SNRNP200: variants seen among roughly 807,000 people sequenced by gnomAD.
SNRNP200 encodes U5 small nuclear ribonucleoprotein 200 kDa helicase.
In SNRNP200, 66 loss-of-function variants were observed where a neutral mutation model predicts 255.2. That is an observed-to-expected ratio of 0.26 (90% CI 0.21 to 0.32). The LOEUF is 0.32. Ranked by LOEUF, SNRNP200 falls within the 10% of genes least tolerant of loss-of-function variation. The pLI is 1.00. For missense variants in SNRNP200, 1,585 were observed against 2,749.8 expected (o/e 0.58, Z 9.47); for synonymous variants, 939 against 1,027.8 (o/e 0.91, Z 1.65).
Position 96,305,423 on chromosome 2 carries a change from G to T in SNRNP200, c.15C>A (p.Thr5=). 1.2e-6 allele frequency: 2 copies of T among 1,614,206 alleles called. No individual in the cohort carries two copies. The highest frequency in any genetic ancestry group is 1.3e-5 in the African/African-American group (1 of 75,058). Residue 5 remains threonine, a synonymous_variant, in exon 1 of 45, where the codon ACC becomes ACA. Coordinates refer to ENST00000323853, the MANE Select transcript of SNRNP200 (RefSeq NM_014014.5). ...TGTACTCGTATTGCAGACTACGGGC[G>T]GTTACATCCGCCATGGCCGCGGCTG... The part of the protein sequence containing the change: MADV[T]ARSLQYEYKA...
chr2:96,296,862 T>G (rs2063920163), intron 12 of SNRNP200, 71 bp downstream of exon 12: 1 of 1,606,772 alleles, frequency 6.2e-7, no homozygotes. Context: ...GGGGTGGAAA[T>G]AAAAAACAAT....
intron 35 of SNRNP200, 112 bp from the exon 36 acceptor site, chr2:96,279,671 G>A (rs766832712): frequency 4.2e-6 from 3 of 708,332 alleles, no homozygotes; most frequent in South Asian, 1.5e-5. Flanking sequence ...GGGGAGACAC[G>A]GACAAATCAC....
At position 96,274,832 on chromosome 2, in the gene SNRNP200, G is replaced by A. The variant is rs1684626852; in HGVS notation, c.*180C>T. On this transcript the variant is annotated 3_prime_UTR_variant, in exon 45 of 45. Coordinates refer to ENST00000323853, the MANE Select transcript of SNRNP200 (RefSeq NM_014014.5). ...GATTTATGCTTGACCCATGACACCT[G>A]CTGTCACTGGATCCAGAGTGAGCAA... is the stretch of plus-strand genomic sequence containing the variant. The A allele has an allele frequency of 1.9e-5, 13 of 700,396 alleles. No individual in the cohort carries two copies. The highest frequency in any genetic ancestry group is 3.3e-5 in the Non-Finnish European group (13 of 390,466). 43.4% of individuals were successfully genotyped at this position (700,396 alleles called of 1,614,324 possible).
chr2:96,289,471 G>A (rs1011936649), intron 21 of SNRNP200, 92 bp from the exon 22 acceptor site: 18 of 1,441,014 alleles, frequency 1.2e-5, no homozygotes, highest in East Asian at 4.6e-5. Context: ...TAGGTTTTTT[G>A]TACTTTTTTT....
In SNRNP200 at chr2:96,283,356, T is replaced by C; in HGVS notation, c.4764-4A>G. On this transcript the variant is annotated splice_polypyrimidine_tract_variant and splice_region_variant and intron_variant, in intron 33 of 44. Transcript: ENST00000323853. The surrounding 1 kb of genome is among the most constrained non-coding windows in gnomAD (Gnocchi z 4.7). ...CTTCTCGGTGCAGTGCAAGAACCTGTGCGGTACAGGCACTGGCTCAGCTCA... is the reference window on the plus strand; with the variant it reads ...CTTCTCGGTGCAGTGCAAGAACCTGCGCGGTACAGGCACTGGCTCAGCTCA... 1 of 1,614,088 alleles carries C rather than the reference T, an allele frequency of 6.2e-7. No homozygotes were observed. Among genetic ancestry groups the C allele is most frequent in the East Asian group, 2.2e-5 (1 of 44,884 alleles).
chr2:96,297,582 G>C (rs774442821), intron 10 of SNRNP200, 46 bp from the exon 11 acceptor site: 48 of 1,614,012 alleles, frequency 3.0e-5, no homozygotes, highest in Non-Finnish European at 3.8e-5. Flanking sequence ...AGCAAGCCGA[G>C]CAAGTGAGTT....
rs2063936019 is a variant in SNRNP200, at chr2:96,298,905, A to G, written c.792T>C (p.Asp264=). 6.2e-7 allele frequency: 1 copy of G among 1,614,198 alleles called. No homozygotes were observed. Among genetic ancestry groups the G allele is most frequent in the East Asian group, 2.2e-5 (1 of 44,890 alleles). ...TGAGCTGCCGCTGCAGCCAAAATGC[A>G]TCAATATCCCGAGGGTGCAAATCCT... ...KKKDLHPRDI[D]AFWLQRQLSR... The change falls in exon 7 of 45, where the codon GAT becomes GAC. Residue 264 remains aspartate, a synonymous_variant. Coordinates refer to ENST00000323853, the MANE Select transcript of SNRNP200 (RefSeq NM_014014.5).
At position 96,287,974 on chromosome 2, in the gene SNRNP200, G is replaced by A; in HGVS notation, c.3259-5C>T. 6.2e-7 allele frequency: 1 copy of A among 1,613,894 alleles called. No homozygotes were observed. ...TCGCATCAACCGGCCAGCCGACTAA[G>A]CAAAGAAGCAGCATTCCCACTGTTA... On this transcript the variant is annotated splice_region_variant and splice_polypyrimidine_tract_variant and intron_variant, in intron 24 of 44. Transcript: ENST00000323853. The surrounding 1 kb of genome is among the most constrained non-coding windows in gnomAD (Gnocchi z 5.7).
At position 96,291,856 on chromosome 2, in the gene SNRNP200, G is replaced by C. The variant is rs1425473603; in HGVS notation, c.2205C>G (p.Ala735=). The C allele has an allele frequency of 6.2e-7, 1 of 1,614,160 alleles. No individual in the cohort carries two copies. Among genetic ancestry groups the C allele is most frequent in the Admixed American group, 1.7e-5 (1 of 60,020 alleles). The change falls in exon 17 of 45, where the codon GCC becomes GCG. Residue 735 remains alanine, a synonymous_variant. Transcript: ENST00000323853. This position sits in a 1 kb window ranked among gnomAD's most constrained non-coding sequence, Gnocchi z 4.2. ...VHSRKETGKT[A]RAIRDMCLEK... ...CTAGGCACATGTCCCGGATGGCCCT[G>C]GCTGTCTTTCCAGTCTCCTTCCGGG... is the stretch of plus-strand genomic sequence containing the variant.
chr2:96,282,090 G>A, intron 34 of SNRNP200, 168 bp from the exon 35 acceptor site: 1 of 616,838 alleles, frequency 1.6e-6, no homozygotes, highest in Non-Finnish European at 2.9e-6. Flanking sequence ...ATTGCTATGA[G>A]GTAGCTCCAC....
chr2:96,297,405 C>G lies in SNRNP200; in HGVS notation c.1335G>C (p.Val445=). Reference sequence around the variant, plus strand: ...GCTTGGGCTTCAGAGCAGGCACATGCACCTCTTCATAGCCCTTACGCTGGC... The same window carrying G: ...GCTTGGGCTTCAGAGCAGGCACATGGACCTCTTCATAGCCCTTACGCTGGC... The part of the protein sequence containing the change: ...FRRQRKGYEE[V]HVPALKPKPF... The change falls in exon 11 of 45, where the codon GTG becomes GTC. Residue 445 remains valine (V), a synonymous_variant. Coordinates refer to ENST00000323853, the MANE Select transcript of SNRNP200 (RefSeq NM_014014.5). 6.2e-7 allele frequency: 1 copy of G among 1,614,160 alleles called. No individual in the cohort carries two copies. The highest frequency in any genetic ancestry group is 1.1e-5 in the South Asian group (1 of 91,080).
At position 96,290,201 on chromosome 2, in the gene SNRNP200, G is replaced by T; in HGVS notation, c.2742+125C>A. ...AAGGGGAACTATCTGCCAGACCCAA[G>T]ATGTGGGTGCAGGGATGGAAGGCCT... On this transcript the variant is annotated intron_variant, in intron 20 of 44. Coordinates refer to ENST00000323853, the MANE Select transcript of SNRNP200 (RefSeq NM_014014.5). The surrounding 1 kb of genome is among the most constrained non-coding windows in gnomAD (Gnocchi z 4.5). 8.8e-7 allele frequency: 1 copy of T among 1,138,234 alleles called. No homozygotes were observed. Among genetic ancestry groups the T allele is most frequent in the Non-Finnish European group, 1.3e-6 (1 of 748,370 alleles). 70.5% of individuals were successfully genotyped at this position (1,138,234 alleles called of 1,614,324 possible). A position where few individuals can be genotyped will look rare whatever the true frequency, so the allele number is the denominator to read the frequency against.
rs775794342 is a variant in SNRNP200, at chr2:96,287,579, C to T, written c.3366-22G>A. The T allele has an allele frequency of 1.3e-6, 2 of 1,563,824 alleles. No homozygotes were observed. Among genetic ancestry groups the T allele is most frequent in the South Asian group, 2.2e-5 (2 of 90,122 alleles). On this transcript the variant is annotated intron_variant, in intron 25 of 44. Coordinates refer to ENST00000323853, the MANE Select transcript of SNRNP200 (RefSeq NM_014014.5). The surrounding 1 kb of genome is among the most constrained non-coding windows in gnomAD (Gnocchi z 5.7). Reference sequence around the variant, plus strand: ...CCACCTATCCAGGAAGGAGGCAAAGCTGTTGGTCCCTTCTGCAGGGATGTG... The same window carrying T: ...CCACCTATCCAGGAAGGAGGCAAAGTTGTTGGTCCCTTCTGCAGGGATGTG...
Position 96,274,896 on chromosome 2 carries a change from C to T in SNRNP200, c.*116G>A. 1 of 1,224,972 alleles carries T rather than the reference C, an allele frequency of 8.2e-7. No homozygotes were observed. The highest frequency in any genetic ancestry group is 1.2e-5 in the South Asian group (1 of 82,700). The allele number at this position is 1,224,972 out of a possible 1,614,324, so 75.9% of individuals were successfully genotyped here. On this transcript the variant is annotated 3_prime_UTR_variant, in exon 45 of 45. Transcript: ENST00000323853. The stretch of plus-strand genomic sequence containing the variant: ...GAGGTAGGCGGGGACAGCACCAGCC[C>T]TGGCTGGCCAGACCTGAGGCCCACA...
At position 96,284,474 on chromosome 2, in the gene SNRNP200, T is replaced by C. The variant is rs1031464235; in HGVS notation, c.4276A>G (p.Ile1426Val). Residue 1426 changes from isoleucine to valine, a missense_variant, in exon 31 of 45, where the codon ATC (isoleucine) becomes GTC (valine). Physicochemically the swap from Ile to Val is conservative, Grantham distance 29 (BLOSUM62 3). This residue lies in a region of SNRNP200 where 719 missense variants were observed against 1,091.1 expected (regional missense o/e 0.66). Transcript: ENST00000323853. ...LKLLGKGNIIISTPEKWDILS... is the reference protein window; with the variant it reads ...LKLLGKGNIIVSTPEKWDILS... Reference sequence around the variant, plus strand: ...ATGTCCCACTTCTCAGGGGTGCTGATGATAATGTTCCCTTTGCCCAGCAGC... The same window carrying C: ...ATGTCCCACTTCTCAGGGGTGCTGACGATAATGTTCCCTTTGCCCAGCAGC... 1 of 1,614,150 alleles carries C rather than the reference T, an allele frequency of 6.2e-7. No homozygotes were observed.
intron 13 of SNRNP200, among the ~76,000 whole-genome samples, chr2:96,296,226 C>T (rs1428355432): frequency 6.6e-6 from 1 of 152,158 alleles, no homozygotes; most frequent in Non-Finnish European, 1.5e-5. Flanking sequence ...CTATTATCAT[C>T]CACATCCATT....
rs1359829683 is a variant in SNRNP200 at position 96,290,991 on chromosome 2, T to C, written c.2422-176A>G. 6.6e-6 allele frequency among the ~76,000 whole-genome samples: 1 copy of C among 152,222 alleles called. No homozygotes were observed. Among genetic ancestry groups the C allele is most frequent in the Non-Finnish European group, 1.5e-5 (1 of 68,034 alleles). On this transcript the variant is annotated intron_variant, in intron 18 of 44. Transcript: ENST00000323853. The surrounding 1 kb of genome is among the most constrained non-coding windows in gnomAD (Gnocchi z 4.5). ...ATAAAGAGGAAAGGTTTCCTTGGGT[T>C]CCTCATCTATTCAGTAATGAACATT...
rs768482213 is a variant in SNRNP200, at chr2:96,278,581, G to T, written c.5454C>A (p.Ile1818=). The change falls in exon 38 of 45, where the codon ATC becomes ATA. Residue 1818 remains isoleucine (I), a synonymous_variant. Transcript: ENST00000323853. The surrounding 1 kb of genome is among the most constrained non-coding windows in gnomAD (Gnocchi z 6.9). The part of the protein sequence containing the change: ...MDVAPLNLGM[I]AAYYYINYTT... Reference sequence around the variant, plus strand: ...TGTAGTTGATGTAATAGTAGGCGGCGATCATGCCTAGGTTCAGAGGCGCCA... The same window carrying T: ...TGTAGTTGATGTAATAGTAGGCGGCTATCATGCCTAGGTTCAGAGGCGCCA... The T allele has an allele frequency of 6.2e-7, 1 of 1,614,150 alleles. No homozygotes were observed. Among genetic ancestry groups the T allele is most frequent in the South Asian group, 1.1e-5 (1 of 91,078 alleles).
At chr2:96,296,026 G>A (rs1440814765) in intron 13 of SNRNP200, among the ~76,000 whole-genome samples, 1 of 152,064 alleles carries the variant, frequency 6.6e-6, no homozygotes, top group Non-Finnish European at 1.5e-5. Flanking sequence ...ACAGCTACCA[G>A]GGAGGCTGAA....
Sources: gnomAD v4.1 joint callset for allele counts (sites outside exome capture counted in the v4.1 genomes callset) on GRCh38, gnomAD v4.1.1 for gene constraint, gnomAD v4.1.1 regional missense constraint, Gnocchi (gnomAD v3.1) non-coding constraint, MANE v1.5 for transcripts, NCBI Gene and HGNC (gene_info 2026-07-23, HGNC 2026-07-21) for gene names.